LZTS1: variants seen among roughly 807,000 people sequenced by gnomAD.
The protein encoded by LZTS1 is leucine zipper tumor suppressor 1, also known as leucine zipper putative tumor suppressor 1.
A neutral mutation model predicts 45.8 loss-of-function variants in LZTS1; 31 were observed. The observed-to-expected ratio is 0.68, with a 90% CI of 0.51 to 0.91. The LOEUF (loss-of-function observed/expected upper bound fraction) is 0.91, where lower values mean the gene tolerates loss of function less well. Among genes scored for constraint, LZTS1 ranks in the 40% least tolerant of loss-of-function variants. LZTS1 has a pLI of 0.00. For missense variants in LZTS1, 821 were observed against 788.9 expected, an observed-to-expected ratio of 1.04 and a Z score of -0.49; for synonymous variants, 359 against 357.3, an observed-to-expected ratio of 1.00 and a Z score of -0.05.
In LZTS1 at chr8:20,252,883, C is replaced by G. The variant is rs772981547; in HGVS notation, c.1048G>C (p.Glu350Gln). The G allele has an allele frequency of 6.2e-7, 1 of 1,610,972 alleles. No homozygotes were observed. Among genetic ancestry groups the G allele is most frequent in the Non-Finnish European group, 8.5e-7 (1 of 1,179,032 alleles). ...AGGTCCTGCTCCTTCATGAGGCTCT[C>G]GAGCTCCTGCCGGAGCTGCCGCTTC... is the stretch of plus-strand genomic sequence containing the variant. ...QEKRQLRQEL[E>Q]SLMKEQDLLE... The change falls in exon 3 of 4, where the codon GAG becomes CAG. Residue 350 changes from glutamate (E) to glutamine (Q), a missense_variant. Glu to Gln is a conservative substitution (Grantham distance 29). Transcript: ENST00000381569.
At chr8:20,256,093 AG>A (rs1206826001) in intron 1 of LZTS1, among the ~76,000 whole-genome samples, 1 of 150,672 alleles carries the variant, frequency 6.6e-6, no homozygotes, top group African/African-American at 2.4e-5. Flanking sequence ...AAGAAGAAGA[AG>A]AAAAGAAAAT....
At chr8:20,284,708 C>G (rs531671333) in intron 1 of LZTS1, among the ~76,000 whole-genome samples, 51 of 152,226 alleles carry the variant, frequency 3.4e-4, no homozygotes, top group Non-Finnish European at 1.0e-4. Context: ...ACCTTGGGGC[C>G]TGCATCATCT....
Position 20,251,098 on chromosome 8 carries a change from AATATATATATATATATATAT to A in LZTS1, c.1150-755_1150-736del, listed in dbSNP as rs527759585. Among the ~76,000 whole-genome samples the A allele has an allele frequency of 3.6e-3, 147 of 41,292 alleles. 1 individual carries two copies. The Middle Eastern group carries it at 0.06, about 17-fold the overall frequency. 27.1% of individuals were successfully genotyped at this position (41,292 alleles called of 152,430 possible). A position where few individuals can be genotyped will look rare whatever the true frequency, so the allele number is the denominator to read the frequency against. ...TGGTGAAGTGACCAGCCTGAGGGCT[AATATATATATATATATATAT>A]ATATATATATATATATATATATATA... is the stretch of plus-strand genomic sequence containing the variant. On this transcript the variant is annotated intron_variant, in intron 3 of 3. Transcript: ENST00000381569.
chr8:20,291,965 T>G (rs1367212686), intron 1 of LZTS1, among the ~76,000 whole-genome samples: 1 of 152,188 alleles, frequency 6.6e-6, no homozygotes, highest in Non-Finnish European at 1.5e-5. Context: ...GCCAGCCAGG[T>G]GAGGGTGAGT....
intron 1 of LZTS1, among the ~76,000 whole-genome samples, chr8:20,283,977 G>A (rs1424998237): frequency 6.6e-6 from 1 of 152,160 alleles, no homozygotes; most frequent in Non-Finnish European, 1.5e-5. Flanking sequence ...GAAATCTCAG[G>A]GTTGCCCAAG....
rs1800002234 is a variant in LZTS1, at chr8:20,253,429, A to G, written c.502T>C (p.Ser168Pro). 1.2e-6 allele frequency: 2 copies of G among 1,612,060 alleles called. No homozygotes were observed. Among genetic ancestry groups the G allele is most frequent in the Non-Finnish European group, 1.7e-6 (2 of 1,179,144 alleles). ...CGGCCGGAGTCTGACAGCGCCCCAG[A>G]GCACAGGCCAGGCTTCAGCTCCTGC... ...KEQELKPGLC[S>P]GALSDSGRNS... Residue 168 changes from serine to proline, a missense_variant, in exon 3 of 4, where the codon TCT (serine) becomes CCT (proline). By Grantham distance (74) the Ser-to-Pro change is moderately conservative (BLOSUM62 -1). Transcript: ENST00000381569.
At chr8:20,254,813 C>G in intron 2 of LZTS1, 24 bp downstream of exon 2, 1 of 1,578,026 alleles carries the variant, frequency 6.3e-7, no homozygotes. Flanking sequence ...AACCCACTTA[C>G]CCTTGCCAGC....
chr8:20,287,227 CA>C (rs1800808397), intron 1 of LZTS1, among the ~76,000 whole-genome samples: 1 of 143,678 alleles, frequency 7.0e-6, no homozygotes, highest in African/African-American at 3.0e-5. Flanking sequence ...AATTCAAGCC[CA>C]CACTATGTGA....
chr8:20,294,871 G>A (rs780927604), intron 1 of LZTS1, among the ~76,000 whole-genome samples: 21 of 151,914 alleles, frequency 1.4e-4, no homozygotes, highest in Non-Finnish European at 2.4e-4. Context: ...CTGCCTCTCT[G>A]GAAGGTCAAG....
chr8:20,253,970 G>A (rs34399646), intron 2 of LZTS1, among the ~76,000 whole-genome samples: 6,778 of 152,212 alleles, frequency 0.045, 202 homozygotes, highest in East Asian at 0.11. Flanking sequence ...CCTGTTCACT[G>A]CCTCTTCCAT....
chr8:20,258,240 G>A (rs1002139759), intron 1 of LZTS1, among the ~76,000 whole-genome samples: 3 of 152,286 alleles, frequency 2.0e-5, no homozygotes, highest in South Asian at 4.1e-4. Context: ...GATGTGGAAG[G>A]AGCCTCTGTT....
chr8:20,252,666 GC>G (rs1334638143), intron 3 of LZTS1, 115 bp downstream of exon 3: 1 of 856,420 alleles, frequency 1.2e-6, no homozygotes, highest in African/African-American at 1.7e-5. Context: ...CAGCACATTA[GC>G]CCCGCTTGCC....
At chr8:20,281,689 C>T (rs567239548) in intron 1 of LZTS1, among the ~76,000 whole-genome samples, 1 of 152,270 alleles carries the variant, frequency 6.6e-6, no homozygotes, top group South Asian at 2.1e-4. Flanking sequence ...CTCTCTTGTT[C>T]CCTCTATTAC....
In LZTS1 at chr8:20,249,369, G is replaced by A. The variant is rs915841214; in HGVS notation, c.*353C>T. On this transcript the variant is annotated 3_prime_UTR_variant, in exon 4 of 4. Transcript: ENST00000381569. ...AGAGGTTGGGATGAGAAGCAGAGGG[G>A]AGCCGCTGTACTTGCTGTGGCCACC... is the stretch of plus-strand genomic sequence containing the variant. 15 of 237,146 alleles carry A rather than the reference G, an allele frequency of 6.3e-5. No individual in the cohort carries two copies. The highest frequency in any genetic ancestry group is 4.9e-5 in the Non-Finnish European group (6 of 121,554). The allele number at this position is 237,146 out of a possible 1,614,324, so 14.7% of individuals were successfully genotyped here.
intron 1 of LZTS1, among the ~76,000 whole-genome samples, chr8:20,289,009 G>GTTTT (rs1800849466): frequency 3.9e-5 from 1 of 25,668 alleles, no homozygotes; most frequent in African/African-American, 1.9e-4. Flanking sequence ...TTTTTTTTTA[G>GTTTT]ACATATGGGA....
chr8:20,295,694 C>T (rs944146911), intron 1 of LZTS1, among the ~76,000 whole-genome samples: 2 of 152,172 alleles, frequency 1.3e-5, no homozygotes, highest in Non-Finnish European at 1.5e-5. Flanking sequence ...GTACGTTATA[C>T]ACTGTAGAAT....
rs116229900 is a variant in LZTS1, at chr8:20,277,527, T to C, written c.-134-22212A>G. Among the ~76,000 whole-genome samples, 789 of 152,302 alleles carry C rather than the reference T, an allele frequency of 5.2e-3. 6 individuals are homozygous for C. Among genetic ancestry groups the C allele is most frequent in the African/African-American group, 0.018 (749 of 41,562 alleles). ...TGAGCAAGGTCCAAGAACCCTCTCT[T>C]GGGGACTGGATTAGGACCTCTTTCC... is the stretch of plus-strand genomic sequence containing the variant. On this transcript the variant is annotated intron_variant, in intron 1 of 3. Coordinates refer to ENST00000381569, the MANE Select transcript of LZTS1 (RefSeq NM_021020.5).
intron 1 of LZTS1, among the ~76,000 whole-genome samples, chr8:20,281,212 G>C (rs1295728862): frequency 6.6e-6 from 1 of 152,068 alleles, no homozygotes. Flanking sequence ...ATCTCTAAGG[G>C]TGGAGGTGAG....
Position 20,255,217 on chromosome 8 carries a change from A to G in LZTS1, c.-36T>C, listed in dbSNP as rs748280861. 1.9e-6 allele frequency: 3 copies of G among 1,581,992 alleles called. No homozygotes were observed. In the South Asian group the frequency reaches 3.5e-5, roughly 18 times the overall value. ...GGCTGAGGATGGGGCAGGGCCGGGC[A>G]GGGTCTTGGAAAGGCTGTGGCAGCA... is the stretch of plus-strand genomic sequence containing the variant. On this transcript the variant is annotated 5_prime_UTR_variant, in exon 2 of 4. Coordinates refer to ENST00000381569, the MANE Select transcript of LZTS1 (RefSeq NM_021020.5).
Sources: allele counts gnomAD v4.1 joint callset (sites outside exome capture counted in the v4.1 genomes callset), GRCh38; gene constraint gnomAD v4.1.1; transcripts MANE v1.5; gene names NCBI Gene and HGNC (gene_info 2026-07-23, HGNC 2026-07-21).